The following POU2F2 variants were observed in gnomAD, a reference collection of about 807,000 sequenced individuals.
The protein encoded by POU2F2 is POU class 2 homeobox 2.
Under a neutral mutation model 63.5 loss-of-function variants are expected in POU2F2, and 14 were observed. The observed-to-expected ratio is 0.22, with a 90% CI of 0.15 to 0.34. The LOEUF (loss-of-function observed/expected upper bound fraction) is 0.34. Ranked by LOEUF, POU2F2 falls within the 10% of genes least tolerant of loss-of-function variation. The pLI is 1.00. For synonymous variants in POU2F2, 306 were observed against 348.6 expected, an observed-to-expected ratio of 0.88 and a Z score of 1.36; for missense variants, 607 against 815.2, an observed-to-expected ratio of 0.74 and a Z score of 3.11.
Position 42,152,668 on chromosome 19 carries a change from G to A in POU2F2, c.-9+7664C>T, listed in dbSNP as rs2034377381. ...CCCACCACTCCCCTACAGCAGGAGA[G>A]CTTAGGGAGGCTGAGAGCTTGGACA... On this transcript the variant is annotated intron_variant, in intron 2 of 6. Transcript: ENST00000524801. This position sits in a 1 kb window ranked among gnomAD's most constrained non-coding sequence, Gnocchi z 4.1. The A allele has an allele frequency of 6.6e-6, 1 of 152,618 alleles. No homozygotes were observed. Among genetic ancestry groups the A allele is most frequent in the Non-Finnish European group, 1.5e-5 (1 of 68,264 alleles). The allele number at this position is 152,618 out of a possible 1,614,324, so 9.5% of individuals were successfully genotyped here. A position where few individuals can be genotyped will look rare whatever the true frequency, so the allele number is the denominator to read the frequency against.
At chr19:42,122,229 G>A (rs1413385705) in intron 3 of POU2F2, 47 bp from the exon 4 acceptor site, 2 of 1,592,452 alleles carry the variant, frequency 1.3e-6, no homozygotes, top group African/African-American at 1.3e-5. Flanking sequence ...GTGCAGTGAA[G>A]CAGCTTCTGA....
chr19:42,097,504 T>G (rs1208150232), intron 7 of POU2F2, among the ~76,000 whole-genome samples: 1 of 151,878 alleles, frequency 6.6e-6, no homozygotes, highest in East Asian at 1.9e-4. Flanking sequence ...CCTTTTTTTT[T>G]TTTTTTGGTA....
intron 2 of POU2F2, among the ~76,000 whole-genome samples, chr19:42,150,753 A>T (rs113232113): frequency 0.11 from 16,633 of 145,514 alleles, 1,043 homozygotes; most frequent in Middle Eastern, 0.22. Context: ...CTGTTTTTTT[A>T]TTCTTTTAAT....
intron 1 of POU2F2, among the ~76,000 whole-genome samples, chr19:42,160,931 C>T (rs2146786756): frequency 6.6e-6 from 1 of 152,304 alleles, no homozygotes; most frequent in South Asian, 2.1e-4. Context: ...ATATTTCTGA[C>T]TTGTACATTT....
At position 42,108,044 on chromosome 19, in the gene POU2F2, C is replaced by T. The variant is rs183722488; in HGVS notation, c.370-8223G>A. Among the ~76,000 whole-genome samples the T allele has an allele frequency of 6.9e-3, 1,049 of 152,316 alleles. 25 individuals are homozygous for T. Among genetic ancestry groups the T allele is most frequent in the Non-Finnish European group, 7.7e-3 (527 of 68,028 alleles). On this transcript the variant is annotated intron_variant, in intron 5 of 14. Coordinates refer to ENST00000692977, the MANE Select transcript of POU2F2 (RefSeq NM_001394376.1). ...CATCATTTAAGTCTCCATCAAACGC[C>T]CCCTCCCTAGAGAGGCCTTCTCTGG...
Position 42,092,193 on chromosome 19 carries a change from C to A in POU2F2, c.1342G>T (p.Ala448Ser). Reference protein sequence around the residue: ...AGGGGGGGGAAPPLNSIPSVT... With the variant: ...AGGGGGGGGASPPLNSIPSVT... ...GAGGGGATGGAATTGAGGGGGGGCG[C>A]AGCCCCGCCCCCGCCCCCACCCCCT... is the stretch of plus-strand genomic sequence containing the variant. Residue 448 changes from alanine (A) to serine (S), a missense_variant, in exon 13 of 15, where the codon GCG becomes TCG. Ala to Ser is a moderately conservative substitution (Grantham distance 99, BLOSUM62 1). Coordinates refer to ENST00000692977, the MANE Select transcript of POU2F2 (RefSeq NM_001394376.1). The surrounding 1 kb of genome is among the most constrained non-coding windows in gnomAD (Gnocchi z 5.0). 1 of 1,551,510 alleles carries A rather than the reference C, an allele frequency of 6.4e-7. No homozygotes were observed. Among genetic ancestry groups the A allele is most frequent in the South Asian group, 1.2e-5 (1 of 83,084 alleles).
At chr19:42,132,522 C>T (rs2033843035), upstream of POU2F2, 1 of 1,067,488 alleles carries the variant, frequency 9.4e-7, no homozygotes. Flanking sequence ...CAGGGCCGGT[C>T]CGCCCCCTTC....
intron 5 of POU2F2, among the ~76,000 whole-genome samples, chr19:42,109,576 T>C (rs2030736567): frequency 6.6e-6 from 1 of 152,214 alleles, no homozygotes; most frequent in Non-Finnish European, 1.5e-5. Flanking sequence ...TGGTGTTCTA[T>C]TGCACGGTGA....
intron 1 of POU2F2, among the ~76,000 whole-genome samples, chr19:42,173,331 G>A (rs1283025748): frequency 3.9e-5 from 6 of 152,082 alleles, no homozygotes; most frequent in Non-Finnish European, 7.4e-5. Flanking sequence ...AGCCCCTGGT[G>A]TGGCCATCTG....
At position 42,095,980 on chromosome 19, in the gene POU2F2, C is replaced by A; in HGVS notation, c.730-51G>T. ...CCGAAGTCAGGGTGGGGCCTTCCGG[C>A]ACTGGGCCCGCTCCGCCCGCCCACT... On this transcript the variant is annotated intron_variant, in intron 8 of 14. Transcript: ENST00000692977. The surrounding 1 kb of genome is among the most constrained non-coding windows in gnomAD (Gnocchi z 7.1). 1 of 1,604,156 alleles carries A rather than the reference C, an allele frequency of 6.2e-7. No homozygotes were observed. Among genetic ancestry groups the A allele is most frequent in the South Asian group, 1.1e-5 (1 of 89,746 alleles).
In POU2F2 at chr19:42,095,946, G is replaced by C; in HGVS notation, c.730-17C>G. On this transcript the variant is annotated splice_polypyrimidine_tract_variant and intron_variant, in intron 8 of 14. Coordinates refer to ENST00000692977, the MANE Select transcript of POU2F2 (RefSeq NM_001394376.1). This position sits in a 1 kb window ranked among gnomAD's most constrained non-coding sequence, Gnocchi z 7.1. Reference sequence around the variant, plus strand: ...CACATCACCCTGGGCCAGTGGGGCGGGGAAGGGCCCGAAGTCAGGGTGGGG... The same window carrying C: ...CACATCACCCTGGGCCAGTGGGGCGCGGAAGGGCCCGAAGTCAGGGTGGGG... 6.2e-7 allele frequency: 1 copy of C among 1,611,062 alleles called. No homozygotes were observed. Among genetic ancestry groups the C allele is most frequent in the Non-Finnish European group, 8.5e-7 (1 of 1,178,326 alleles).
rs73033405 is a variant in POU2F2, at chr19:42,148,427, G to A, written c.-9+11905C>T. Among the ~76,000 whole-genome samples the A allele has an allele frequency of 3.6e-3, 542 of 152,272 alleles. 2 individuals carry two copies. Among genetic ancestry groups the A allele is most frequent in the Non-Finnish European group, 5.9e-3 (400 of 68,022 alleles). On this transcript the variant is annotated intron_variant, in intron 2 of 6. Transcript: ENST00000524801. Reference sequence around the variant, plus strand: ...TACACGCCTTTGAAACACAAATGCCGTCTTCCCACATCAGAGGGATCTCTC... The same window carrying A: ...TACACGCCTTTGAAACACAAATGCCATCTTCCCACATCAGAGGGATCTCTC...
chr19:42,148,469 A>G (rs1464841309), intron 2 of POU2F2, among the ~76,000 whole-genome samples: 5 of 152,104 alleles, frequency 3.3e-5, no homozygotes, highest in Non-Finnish European at 5.9e-5. Flanking sequence ...AGAGATCCTC[A>G]CTCCCCTCCG....
intron 1 of POU2F2, among the ~76,000 whole-genome samples, chr19:42,172,165 T>G (rs994702778): frequency 1.3e-5 from 2 of 152,170 alleles, no homozygotes; most frequent in African/African-American, 4.8e-5. Flanking sequence ...TCTCAGTATC[T>G]GAGCATCCTT....
chr19:42,131,379 G>T (rs779978022), intron 1 of POU2F2, among the ~76,000 whole-genome samples: 7 of 152,108 alleles, frequency 4.6e-5, no homozygotes, highest in Non-Finnish European at 1.0e-4. Context: ...ACACAATGGC[G>T]CATATAGGAC....
chr19:42,136,418 T>C (rs951415050), upstream of POU2F2, among the ~76,000 whole-genome samples: 3 of 151,186 alleles, frequency 2.0e-5, no homozygotes, highest in African/African-American at 7.3e-5. Flanking sequence ...ACTCCTAGGC[T>C]CAAAGCCATC....
At chr19:42,130,677 G>A (rs1026448212) in intron 1 of POU2F2, among the ~76,000 whole-genome samples, 6 of 151,574 alleles carry the variant, frequency 4.0e-5, no homozygotes, top group African/African-American at 1.5e-4. Context: ...AAATAAACAT[G>A]TCACCCTGCA....
intron 1 of POU2F2, among the ~76,000 whole-genome samples, chr19:42,196,170 A>C (rs1454427059): frequency 6.6e-6 from 1 of 152,076 alleles, no homozygotes; most frequent in East Asian, 1.9e-4. Flanking sequence ...CTGTGTCCAC[A>C]TCATCACAGG....
intron 5 of POU2F2, among the ~76,000 whole-genome samples, chr19:42,106,051 C>CTTTA (rs1555897213): frequency 1.3e-5 from 1 of 78,970 alleles, no homozygotes; most frequent in Non-Finnish European, 2.9e-5. Flanking sequence ...TTCTTTCTTT[C>CTTTA]TTCTTTCTTT....
Sources: gnomAD v4.1 joint callset for allele counts (sites outside exome capture counted in the v4.1 genomes callset) on GRCh38, gnomAD v4.1.1 for gene constraint, Gnocchi (gnomAD v3.1) non-coding constraint, MANE v1.5 for transcripts, NCBI Gene and HGNC (gene_info 2026-07-23, HGNC 2026-07-21) for gene names.